The following FSTL4 variants were observed in gnomAD, a reference collection of about 807,000 sequenced individuals.
The protein encoded by FSTL4 is follistatin-related protein 4.
In FSTL4, 28 loss-of-function variants were observed where a neutral mutation model predicts 78.2. The ratio of observed to expected loss-of-function variants is 0.36; its 90% CI spans 0.27 to 0.49. The LOEUF is 0.49. FSTL4 is among the 20% of genes least tolerant of loss of function. FSTL4 has a pLI of 0.98. For missense variants in FSTL4, 922 were observed against 1,084.9 expected (o/e 0.85, Z 2.11); for synonymous variants, 422 against 440.5 (o/e 0.96, Z 0.53).
chr5:133,590,940 G>C lies in FSTL4; in HGVS notation c.126+12918C>G, dbSNP rs1760611490. 2.6e-5 allele frequency among the ~76,000 whole-genome samples: 4 copies of C among 152,158 alleles called. No individual in the cohort carries two copies. The South Asian group carries it at 8.3e-4, about 32-fold the overall frequency. On this transcript the variant is annotated intron_variant, in intron 2 of 15. Coordinates refer to ENST00000265342, the MANE Select transcript of FSTL4 (RefSeq NM_015082.2). ...CCAGTCTCAAGCCCTTCTGTAATCGGCATTCCTGAGGATGGAGCATGGAGC... is the reference window on the plus strand; with the variant it reads ...CCAGTCTCAAGCCCTTCTGTAATCGCCATTCCTGAGGATGGAGCATGGAGC...
chr5:133,660,309 A>G, the FSTL4 span, among the ~76,000 whole-genome samples: 4 of 152,188 alleles, frequency 2.6e-5, no homozygotes, highest in African/African-American at 9.7e-5. Flanking sequence ...GAGTAGAGGA[A>G]GCATAGGGCA....
At chr5:133,532,709 G>C (rs1473057082) in intron 3 of FSTL4, among the ~76,000 whole-genome samples, 1 of 152,188 alleles carries the variant, frequency 6.6e-6, no homozygotes, top group African/African-American at 2.4e-5. Flanking sequence ...CGCTGGATTT[G>C]CTCTGATAAC....
chr5:133,507,720 G>A (rs1170845820), intron 3 of FSTL4, among the ~76,000 whole-genome samples: 2 of 151,490 alleles, frequency 1.3e-5, no homozygotes, highest in African/African-American at 2.4e-5. Flanking sequence ...ATGGGGTTTC[G>A]CTATGTTGGC....
At chr5:133,781,851 G>A in the FSTL4 span, among the ~76,000 whole-genome samples, 1 of 152,172 alleles carries the variant, frequency 6.6e-6, no homozygotes, top group South Asian at 2.1e-4. Context: ...ATTATCTGAG[G>A]CTATTGATAT....
chr5:133,466,322 C>T (rs923601333), intron 3 of FSTL4, among the ~76,000 whole-genome samples: 16 of 152,274 alleles, frequency 1.1e-4, no homozygotes, highest in Admixed American at 3.9e-4. Flanking sequence ...GCGGGCAGAT[C>T]ATGGGGTCAG....
chr5:133,525,817 A>C (rs1305487332), intron 3 of FSTL4, among the ~76,000 whole-genome samples: 1 of 152,204 alleles, frequency 6.6e-6, no homozygotes, highest in Non-Finnish European at 1.5e-5. Context: ...CAGGACTCGG[A>C]CCAGAATCTG....
At chr5:133,508,911 G>T (rs901362263) in intron 3 of FSTL4, among the ~76,000 whole-genome samples, 10 of 152,110 alleles carry the variant, frequency 6.6e-5, no homozygotes, top group African/African-American at 2.4e-4. Flanking sequence ...TAAGGTAAGT[G>T]CTGATCTTGT....
At chr5:133,732,945 C>CCCCT in the FSTL4 span, among the ~76,000 whole-genome samples, 2 of 152,224 alleles carry the variant, frequency 1.3e-5, no homozygotes, top group East Asian at 1.9e-4. Flanking sequence ...GTCCACCAGA[C>CCCCT]CCCTCATGCC....
At chr5:133,374,880 T>C (rs1755393833) in intron 4 of FSTL4, among the ~76,000 whole-genome samples, 1 of 152,154 alleles carries the variant, frequency 6.6e-6, no homozygotes, top group Non-Finnish European at 1.5e-5. Flanking sequence ...TTAAGCCACT[T>C]AGACTATGAT....
At chr5:133,321,559 T>C (rs1754053348) in intron 4 of FSTL4, among the ~76,000 whole-genome samples, 1 of 152,116 alleles carries the variant, frequency 6.6e-6, no homozygotes, top group African/African-American at 2.4e-5. Flanking sequence ...AGAATGATAG[T>C]GGCAGGCCGG....
chr5:133,740,636 T>C, the FSTL4 span, among the ~76,000 whole-genome samples: 1 of 152,140 alleles, frequency 6.6e-6, no homozygotes, highest in African/African-American at 2.4e-5. Context: ...TTCACCTCGA[T>C]TTTCTCTACA....
chr5:133,210,223 C>G lies in FSTL4; in HGVS notation c.1684G>C (p.Gly562Arg), dbSNP rs1750661311. ...SHDQVWVLSW[G>R]DVHKSRPSLQ... is the part of the protein sequence containing the mutation. ...CTTGGTCGGGACTTGTGCACGTCCC[C>G]CCAGCTCAGGACCCACACTTGGTCA... is the stretch of plus-strand genomic sequence containing the variant. Residue 562 changes from glycine to arginine, a missense_variant, in exon 14 of 16, where the codon GGG becomes CGG. By Grantham distance (125) the Gly-to-Arg change is moderately radical. Transcript: ENST00000265342. 1 of 1,611,770 alleles carries G rather than the reference C, an allele frequency of 6.2e-7. No homozygotes were observed.
intron 3 of FSTL4, among the ~76,000 whole-genome samples, chr5:133,416,265 G>A (rs1257627025): frequency 3.3e-5 from 5 of 152,208 alleles, no homozygotes; most frequent in Admixed American, 1.3e-4. Flanking sequence ...TCGTAAGGTC[G>A]TAATGGGTAA....
chr5:133,274,664 T>A (rs1752840473), intron 6 of FSTL4, among the ~76,000 whole-genome samples: 1 of 152,100 alleles, frequency 6.6e-6, no homozygotes, highest in Admixed American at 6.5e-5. Context: ...AGAAAGCTAA[T>A]CCTTCCGTCA....
intron 3 of FSTL4, among the ~76,000 whole-genome samples, chr5:133,434,201 C>T (rs1756996336): frequency 6.6e-6 from 1 of 152,040 alleles, no homozygotes; most frequent in Non-Finnish European, 1.5e-5. Flanking sequence ...AGACGAGACT[C>T]AAGGTGCGCT....
At chr5:133,761,017 G>C in the FSTL4 span, among the ~76,000 whole-genome samples, 2,028 of 152,284 alleles carry the variant, frequency 0.013, 49 homozygotes, top group African/African-American at 0.047. Context: ...CATCCCGTTA[G>C]AGCTAAGCCG....
intron 4 of FSTL4, among the ~76,000 whole-genome samples, chr5:133,369,089 G>A (rs978187598): frequency 6.6e-6 from 1 of 152,254 alleles, no homozygotes. Context: ...AGGCTGGCTT[G>A]GTCTCCATGC....
At chr5:133,775,336 G>A in the FSTL4 span, among the ~76,000 whole-genome samples, 1 of 152,160 alleles carries the variant, frequency 6.6e-6, no homozygotes, top group African/African-American at 2.4e-5. Context: ...CTGTAAAGCA[G>A]CTTCTGCCTT....
At chr5:133,322,223 A>C (rs573741252) in intron 4 of FSTL4, among the ~76,000 whole-genome samples, 21 of 135,864 alleles carry the variant, frequency 1.5e-4, no homozygotes, top group African/African-American at 5.9e-4. Flanking sequence ...ACACACACAC[A>C]CCCACACACA....
Sources: allele counts gnomAD v4.1 joint callset (sites outside exome capture counted in the v4.1 genomes callset), GRCh38; gene constraint gnomAD v4.1.1; transcripts MANE v1.5; gene names NCBI Gene and HGNC (gene_info 2026-07-23, HGNC 2026-07-21).